Variants in TNFRSF10B observed in about 807,000 individuals in gnomAD.
TNFRSF10B encodes TNF receptor superfamily member 10b.
In TNFRSF10B, 35 loss-of-function variants were observed where a neutral mutation model predicts 41.4. The ratio of observed to expected loss-of-function variants is 0.85; its 90% CI spans 0.65 to 1.12. The LOEUF is 1.12. TNFRSF10B is among the 50% of genes most tolerant of loss of function. The pLI is 0.00. For missense variants in TNFRSF10B, 584 were observed against 552.7 expected (o/e 1.06, Z -0.57); for synonymous variants, 230 against 215.5 (o/e 1.07, Z -0.59).
rs1325860567 is a variant in TNFRSF10B at position 23,027,211 on chromosome 8, C to T, written c.858G>A (p.Glu286=). ...CTGGCTCCTGGACTTCCATTTCCTG[C>T]TCAGGGACCTGGGTGGGCTGCAAGA... ...VSILQPTQVP[E]QEMEVQEPAE... The change falls in exon 7 of 9, where the codon GAG becomes GAA. Residue 286 remains glutamate (E), a synonymous_variant. Coordinates refer to ENST00000276431, the MANE Select transcript of TNFRSF10B (RefSeq NM_003842.5). 6.2e-7 allele frequency: 1 copy of T among 1,614,206 alleles called. No individual in the cohort carries two copies. Among genetic ancestry groups the T allele is most frequent in the Admixed American group, 1.7e-5 (1 of 60,016 alleles).
chr8:23,048,402 C>T (rs895929393), intron 1 of TNFRSF10B, among the ~76,000 whole-genome samples: 8 of 141,952 alleles, frequency 5.6e-5, no homozygotes, highest in East Asian at 2.1e-4. Flanking sequence ...CACCATTGCA[C>T]GACAGCCTGG....
Position 23,020,499 on chromosome 8 carries a change from C to T in TNFRSF10B, c.*2172G>A, listed in dbSNP as rs1433347100. On this transcript the variant is annotated 3_prime_UTR_variant, in exon 9 of 9. Transcript: ENST00000276431. ...CTGAGGTCAGGAGTTCGAGACCAGCCTGACCAACATGGTGAAACCCCGTCT... is the reference window on the plus strand; with the variant it reads ...CTGAGGTCAGGAGTTCGAGACCAGCTTGACCAACATGGTGAAACCCCGTCT... 2.2e-6 allele frequency: 1 copy of T among 452,784 alleles called. No individual in the cohort carries two copies. The highest frequency in any genetic ancestry group is 1.6e-5 in the South Asian group (1 of 64,450). 28.0% of individuals were successfully genotyped at this position (452,784 alleles called of 1,614,324 possible).
chr8:23,028,582 T>C lies in TNFRSF10B; in HGVS notation c.497A>G (p.Lys166Arg). Reference sequence around the variant, plus strand: ...ACTCCAGGGTGTACAATCACCGACCTTGACCATCCCTCTGGGACACCTGGG... The same window carrying C: ...ACTCCAGGGTGTACAATCACCGACCCTGACCATCCCTCTGGGACACCTGGG... ...CRTGCPRGMV[K>R]VGDCTPWSDI... Residue 166 changes from lysine (K) to arginine (R), a missense_variant, in exon 5 of 9, where the codon AAG becomes AGG. Transcript: ENST00000276431. The C allele has an allele frequency of 6.2e-7, 1 of 1,614,074 alleles. No individual in the cohort carries two copies. Among genetic ancestry groups the C allele is most frequent in the Non-Finnish European group, 8.5e-7 (1 of 1,179,982 alleles).
chr8:23,053,135 CTA>C (rs1051802970), intron 1 of TNFRSF10B, among the ~76,000 whole-genome samples: 1 of 152,208 alleles, frequency 6.6e-6, no homozygotes, highest in Admixed American at 6.5e-5. Flanking sequence ...TAAAATGCCA[CTA>C]TGACTCTTAG....
intron 7 of TNFRSF10B, among the ~76,000 whole-genome samples, chr8:23,024,959 T>C (rs373881676): frequency 6.6e-6 from 1 of 151,968 alleles, no homozygotes. Flanking sequence ...CTAGGCGACA[T>C]AGCGAGATCC....
intron 1 of TNFRSF10B, among the ~76,000 whole-genome samples, chr8:23,045,588 A>G (rs1239040991): frequency 6.6e-6 from 1 of 152,216 alleles, no homozygotes; most frequent in Non-Finnish European, 1.5e-5. Flanking sequence ...CTTATTTTAC[A>G]AGGCTTGCAT....
In TNFRSF10B at chr8:23,022,698, T is replaced by G. The variant is rs1811571312; in HGVS notation, c.1296A>C (p.Glu432Asp). The G allele has an allele frequency of 6.2e-7, 1 of 1,613,946 alleles. No individual in the cohort carries two copies. The highest frequency in any genetic ancestry group is 1.3e-5 in the African/African-American group (1 of 74,872). ...AGGACATGGCAGAGTCTGCATTACC[T>G]TCTAGATACATGAACTTTCCAGAGC... Reference protein sequence around the residue: ...LLSSGKFMYLEGNADSAMS With the variant: ...LLSSGKFMYLDGNADSAMS The change falls in exon 9 of 9, where the codon GAA becomes GAC. Residue 432 changes from glutamate (E) to aspartate (D), a missense_variant. Physicochemically the swap from Glu to Asp is conservative, Grantham distance 45 (BLOSUM62 2). Transcript: ENST00000276431.
intron 1 of TNFRSF10B, among the ~76,000 whole-genome samples, chr8:23,047,657 T>C (rs930935005): frequency 6.6e-6 from 1 of 150,780 alleles, no homozygotes; most frequent in African/African-American, 2.4e-5. Flanking sequence ...CAATGAGATA[T>C]CATCTCATAC....
Position 23,028,340 on chromosome 8 carries a change from T to C in TNFRSF10B, c.739A>G (p.Ile247Val). The change falls in exon 5 of 9, where the codon ATC (isoleucine) becomes GTC (valine). Residue 247 changes from isoleucine to valine, a missense_variant. By Grantham distance (29) the Ile-to-Val change is conservative. Transcript: ENST00000276431. ...WKKVLPYLKGICSGGGGDPER... is the reference protein window; with the variant it reads ...WKKVLPYLKGVCSGGGGDPER... ...CTCAGCCAGCACCTACCTGAGCAGA[T>C]GCCTTTCAGGTAAGGAAGGACTTTC... 3 of 1,614,094 alleles carry C rather than the reference T, an allele frequency of 1.9e-6. No homozygotes were observed. Among genetic ancestry groups the C allele is most frequent in the Non-Finnish European group, 2.5e-6 (3 of 1,180,004 alleles).
intron 1 of TNFRSF10B, among the ~76,000 whole-genome samples, chr8:23,061,553 C>T (rs1464416379): frequency 6.6e-6 from 1 of 152,056 alleles, no homozygotes; most frequent in Non-Finnish European, 1.5e-5. Context: ...CCTGTTTTGG[C>T]TAGAACTTCC....
rs897651239 is a variant in TNFRSF10B at position 23,021,493 on chromosome 8, T to G, written c.*1178A>C. ...CGTGGGAGACAGATTTTGTCTTCTA[T>G]CTCCTGAGCCCAAACAGGGCTCAAG... On this transcript the variant is annotated 3_prime_UTR_variant, in exon 9 of 9. Transcript: ENST00000276431. The G allele has an allele frequency of 6.6e-6, 3 of 453,978 alleles. No homozygotes were observed. Among genetic ancestry groups the G allele is most frequent in the African/African-American group, 6.0e-5 (3 of 49,998 alleles). The allele number at this position is 453,978 out of a possible 1,614,324, so 28.1% of individuals were successfully genotyped here.
intron 2 of TNFRSF10B, among the ~76,000 whole-genome samples, chr8:23,032,151 T>C (rs938412873): frequency 1.3e-5 from 2 of 152,152 alleles, no homozygotes; most frequent in African/African-American, 4.8e-5. Context: ...GTGATCCACC[T>C]GCCTCACATA....
chr8:23,037,171 G>A (rs534597631), intron 2 of TNFRSF10B, among the ~76,000 whole-genome samples: 1 of 152,316 alleles, frequency 6.6e-6, no homozygotes, highest in African/African-American at 2.4e-5. Flanking sequence ...GTGACTACCA[G>A]TCAGCTTCTT....
Position 23,043,263 on chromosome 8 carries a change from A to G in TNFRSF10B, c.145-20T>C. 3 of 1,610,068 alleles carry G rather than the reference A, an allele frequency of 1.9e-6. No individual in the cohort carries two copies. Among genetic ancestry groups the G allele is most frequent in the Non-Finnish European group, 2.5e-6 (3 of 1,176,762 alleles). On this transcript the variant is annotated intron_variant, in intron 1 of 8. Coordinates refer to ENST00000276431, the MANE Select transcript of TNFRSF10B (RefSeq NM_003842.5). Reference sequence around the variant, plus strand: ...TGAGACCTGTGGGGACAAAGCAGGGATGGGCATGAGTGGCTTCCAGACCTC... The same window carrying G: ...TGAGACCTGTGGGGACAAAGCAGGGGTGGGCATGAGTGGCTTCCAGACCTC...
chr8:23,063,575 C>T (rs1189913812), intron 1 of TNFRSF10B, among the ~76,000 whole-genome samples: 1 of 152,144 alleles, frequency 6.6e-6, no homozygotes, highest in Non-Finnish European at 1.5e-5. Context: ...CCACCACAAA[C>T]CTCTTTCCTC....
chr8:23,052,655 C>G (rs1354311168), intron 1 of TNFRSF10B, among the ~76,000 whole-genome samples: 2 of 151,970 alleles, frequency 1.3e-5, no homozygotes, highest in African/African-American at 4.8e-5. Context: ...TAAAAGAAAC[C>G]AGGAAATAAG....
intron 2 of TNFRSF10B, among the ~76,000 whole-genome samples, chr8:23,031,503 C>A (rs529656095): frequency 1.4e-4 from 22 of 152,132 alleles, no homozygotes; most frequent in African/African-American, 5.1e-4. Flanking sequence ...TCCCTCTCCC[C>A]CCGACCCACA....
chr8:23,056,734 G>A (rs1812677400), intron 1 of TNFRSF10B, among the ~76,000 whole-genome samples: 1 of 151,404 alleles, frequency 6.6e-6, no homozygotes, highest in African/African-American at 2.4e-5. Flanking sequence ...AAATATTTTT[G>A]TATTAGCTTT....
chr8:23,039,979 G>A (rs1812122554), intron 2 of TNFRSF10B, among the ~76,000 whole-genome samples: 1 of 152,028 alleles, frequency 6.6e-6, no homozygotes, highest in South Asian at 2.1e-4. Context: ...GATCACTTGA[G>A]GTCAGGAGTT....
Sources: gnomAD v4.1 joint callset for allele counts (sites outside exome capture counted in the v4.1 genomes callset) on GRCh38, gnomAD v4.1.1 for gene constraint, MANE v1.5 for transcripts, NCBI Gene and HGNC (gene_info 2026-07-23, HGNC 2026-07-21) for gene names.